The following RNLS variants were observed in gnomAD, a reference collection of about 807,000 sequenced individuals.
The protein encoded by RNLS is renalase, FAD dependent amine oxidase.
Under a neutral mutation model 39.8 loss-of-function variants are expected in RNLS, and 39 were observed. The ratio of observed to expected loss-of-function variants is 0.98; its 90% CI spans 0.76 to 1.28. The LOEUF (loss-of-function observed/expected upper bound fraction) is 1.28, where lower values mean the gene tolerates loss of function less well. RNLS is among the 50% of genes most tolerant of loss of function. The pLI is 0.00. For synonymous variants in RNLS, 147 were observed against 150.7 expected (o/e 0.98, Z 0.18); for missense variants, 410 against 413.3 (o/e 0.99, Z 0.07).
chr10:88,550,174 A>T (rs1033798637), intron 4 of RNLS, among the ~76,000 whole-genome samples: 5 of 152,220 alleles, frequency 3.3e-5, no homozygotes, highest in African/African-American at 1.2e-4. Context: ...AATAAAGATT[A>T]TTTATGTTTA....
chr10:88,253,075 G>C, the RNLS span, among the ~76,000 whole-genome samples: 1 of 152,206 alleles, frequency 6.6e-6, no homozygotes, highest in Non-Finnish European at 1.5e-5. Context: ...GATAAAAGCA[G>C]TGTTTAAGGG....
At chr10:88,247,542 A>G in the RNLS span, among the ~76,000 whole-genome samples, 15 of 152,198 alleles carry the variant, frequency 9.9e-5, no homozygotes, top group African/African-American at 3.4e-4. Context: ...CGTCTGTAAA[A>G]CAGGAACAAT....
downstream of RNLS, among the ~76,000 whole-genome samples, chr10:88,269,484 G>A (rs569052194): frequency 2.3e-4 from 35 of 152,246 alleles, no homozygotes; most frequent in South Asian, 4.4e-3. Context: ...GGTCTGAGCC[G>A]TCATTCTTAC....
At chr10:88,513,340 A>G (rs2134163975) in intron 4 of RNLS, among the ~76,000 whole-genome samples, 1 of 152,242 alleles carries the variant, frequency 6.6e-6, no homozygotes. Flanking sequence ...ATGCACTATC[A>G]CTAAGTAAAC....
intron 4 of RNLS, among the ~76,000 whole-genome samples, chr10:88,491,817 G>A (rs1589887788): frequency 6.6e-6 from 1 of 152,086 alleles, no homozygotes; most frequent in East Asian, 1.9e-4. Flanking sequence ...AAAAGATCTT[G>A]AAGAGCTAGT....
intron 4 of RNLS, among the ~76,000 whole-genome samples, chr10:88,520,776 T>C (rs1209639454): frequency 6.6e-6 from 1 of 151,740 alleles, no homozygotes; most frequent in Non-Finnish European, 1.5e-5. Flanking sequence ...CTTGGAAGAG[T>C]TGTAGGAAGG....
intron 4 of RNLS, among the ~76,000 whole-genome samples, chr10:88,483,974 A>G (rs936918903): frequency 6.6e-6 from 1 of 152,116 alleles, no homozygotes; most frequent in African/African-American, 2.4e-5. Context: ...CCAAGATAAC[A>G]TAGTGTTAGT....
At chr10:88,338,802 G>GC (rs1179121076) in intron 5 of RNLS, among the ~76,000 whole-genome samples, 4 of 118,678 alleles carry the variant, frequency 3.4e-5, no homozygotes, top group Non-Finnish European at 6.4e-5. Context: ...TCGCTCTGTT[G>GC]CCAGGCTGGA....
At chr10:88,213,051 A>T in the RNLS span, among the ~76,000 whole-genome samples, 1 of 152,146 alleles carries the variant, frequency 6.6e-6, no homozygotes, top group African/African-American at 2.4e-5. Context: ...TCAGCCCACC[A>T]TCGCCCTGCA....
At chr10:88,473,658 A>G (rs1843662926) in intron 4 of RNLS, among the ~76,000 whole-genome samples, 1 of 152,230 alleles carries the variant, frequency 6.6e-6, no homozygotes, top group Non-Finnish European at 1.5e-5. Context: ...CACATTAAGA[A>G]GACGTCTTTA....
chr10:88,497,384 T>C (rs1242838678), intron 4 of RNLS, among the ~76,000 whole-genome samples: 1 of 152,054 alleles, frequency 6.6e-6, no homozygotes, highest in African/African-American at 2.4e-5. Flanking sequence ...GAAAGATTTA[T>C]AATGCCTTGA....
chr10:88,345,641 C>A (rs568650481), intron 5 of RNLS, among the ~76,000 whole-genome samples: 3 of 152,222 alleles, frequency 2.0e-5, no homozygotes, highest in African/African-American at 7.2e-5. Flanking sequence ...ATTTACTATG[C>A]ACCTATGTGC....
chr10:88,343,899 C>G, intron 5 of RNLS: 1 of 838,594 alleles, frequency 1.2e-6, no homozygotes, highest in Non-Finnish European at 1.4e-6. Context: ...ATTTGGTTTT[C>G]CAGGCTCTCA....
intron 6 of RNLS, among the ~76,000 whole-genome samples, chr10:88,292,235 A>G (rs1307991586): frequency 6.6e-6 from 1 of 150,480 alleles, no homozygotes; most frequent in Non-Finnish European, 1.5e-5. Flanking sequence ...AATTGAAAAT[A>G]TGATCTAGGA....
chr10:88,326,012 T>C (rs1229499051), intron 5 of RNLS, among the ~76,000 whole-genome samples: 3 of 152,216 alleles, frequency 2.0e-5, no homozygotes, highest in Admixed American at 1.3e-4. Context: ...TCCGCCATGA[T>C]TGTAAATTCC....
In RNLS at chr10:88,460,509, G is replaced by A. The variant is rs577592782; in HGVS notation, c.527-97784C>T. Among the ~76,000 whole-genome samples the A allele has an allele frequency of 3.9e-5, 6 of 152,054 alleles. No individual in the cohort carries two copies. The South Asian group carries it at 8.3e-4, about 21-fold the overall frequency. The stretch of plus-strand genomic sequence containing the variant: ...ATCACAACTCACTATCACATTTCCC[G>A]TTTATCACCTTAATAGCACCTATCA... On this transcript the variant is annotated intron_variant, in intron 4 of 6. Transcript: ENST00000331772.
intron 4 of RNLS, among the ~76,000 whole-genome samples, chr10:88,570,855 G>C (rs935379109): frequency 2.6e-5 from 4 of 152,084 alleles, no homozygotes; most frequent in African/African-American, 9.7e-5. Flanking sequence ...ATTATGCAAG[G>C]TAAGTAAATC....
At chr10:88,564,976 C>T (rs1016905250) in intron 4 of RNLS, among the ~76,000 whole-genome samples, 1 of 151,916 alleles carries the variant, frequency 6.6e-6, no homozygotes, top group East Asian at 1.9e-4. Flanking sequence ...ATCCTAAAGG[C>T]TACATATGAT....
the RNLS span, among the ~76,000 whole-genome samples, chr10:88,183,319 G>T: frequency 1.3e-5 from 2 of 152,088 alleles, no homozygotes; most frequent in African/African-American, 4.8e-5. Context: ...TGCTCTAATA[G>T]AATTAATTTA....
Sources: gnomAD v4.1 joint callset for allele counts (sites outside exome capture counted in the v4.1 genomes callset) on GRCh38, gnomAD v4.1.1 for gene constraint, MANE v1.5 for transcripts, NCBI Gene and HGNC (gene_info 2026-07-23, HGNC 2026-07-21) for gene names.